Variants in GRM5 observed in about 807,000 individuals in gnomAD.
GRM5 encodes metabotropic glutamate receptor 5.
Under a neutral mutation model 83.1 loss-of-function variants are expected in GRM5, and 19 were observed. The ratio of observed to expected loss-of-function variants is 0.23; its 90% CI spans 0.16 to 0.34. GRM5 has a LOEUF of 0.34. Ranked by LOEUF, GRM5 falls within the 10% of genes least tolerant of loss-of-function variation. The pLI is 1.00. For synonymous variants in GRM5, 675 were observed against 633.6 expected, an observed-to-expected ratio of 1.07 and a Z score of -0.98; for missense variants, 1,160 against 1,588.3, an observed-to-expected ratio of 0.73 and a Z score of 4.58.
intron 4 of GRM5, among the ~76,000 whole-genome samples, chr11:88,617,772 C>G (rs1470337429): frequency 2.0e-5 from 3 of 152,024 alleles, no homozygotes; most frequent in African/African-American, 7.2e-5. Flanking sequence ...CTAGCCTTTC[C>G]CCACTTGGTT....
chr11:88,622,761 A>G (rs1346593554), intron 4 of GRM5, among the ~76,000 whole-genome samples: 1 of 152,172 alleles, frequency 6.6e-6, no homozygotes, highest in Non-Finnish European at 1.5e-5. Flanking sequence ...TTAAGAATCT[A>G]GTGTGTCCTA....
chr11:88,771,319 A>G (rs951731836), intron 3 of GRM5, among the ~76,000 whole-genome samples: 5 of 152,118 alleles, frequency 3.3e-5, no homozygotes, highest in East Asian at 1.9e-4. Flanking sequence ...AGCTGAGGAA[A>G]AAAGAAGGCA....
chr11:89,026,702 T>G (rs1591059654), intron 2 of GRM5, among the ~76,000 whole-genome samples: 1 of 152,330 alleles, frequency 6.6e-6, no homozygotes, highest in South Asian at 2.1e-4. Flanking sequence ...CTATTATTTC[T>G]CATATTCTAA....
chr11:88,583,756 G>A (rs1943259191), intron 7 of GRM5, among the ~76,000 whole-genome samples: 1 of 152,162 alleles, frequency 6.6e-6, no homozygotes, highest in Admixed American at 6.5e-5. Flanking sequence ...TATGTGGCAG[G>A]GAATGGTGTC....
chr11:88,872,061 A>G (rs974435874), intron 2 of GRM5, among the ~76,000 whole-genome samples: 11 of 151,560 alleles, frequency 7.3e-5, no homozygotes, highest in Non-Finnish European at 1.3e-4. Flanking sequence ...AACTAACAGA[A>G]AAACCTACAT....
intron 3 of GRM5, among the ~76,000 whole-genome samples, chr11:88,796,841 A>G (rs1267987314): frequency 3.9e-5 from 6 of 151,972 alleles, no homozygotes; most frequent in African/African-American, 1.4e-4. Flanking sequence ...GGAAAGAAAC[A>G]GGTGCCTGTA....
intron 2 of GRM5, among the ~76,000 whole-genome samples, chr11:88,915,215 GA>G (rs1945568194): frequency 6.6e-6 from 1 of 152,074 alleles, no homozygotes; most frequent in African/African-American, 2.4e-5. Flanking sequence ...AGGAGGAGGA[GA>G]AAAGAAAACA....
chr11:88,828,758 G>C (rs1943936403), intron 3 of GRM5, among the ~76,000 whole-genome samples: 1 of 151,876 alleles, frequency 6.6e-6, no homozygotes, highest in Non-Finnish European at 1.5e-5. Flanking sequence ...AACTTCTGGA[G>C]AAAACTACAA....
chr11:88,594,146 A>C (rs558732693), intron 6 of GRM5, among the ~76,000 whole-genome samples: 1 of 152,302 alleles, frequency 6.6e-6, no homozygotes, highest in South Asian at 2.1e-4. Flanking sequence ...AATAAACAAA[A>C]ATTATGTGGT....
chr11:88,630,574 A>ACACAC lies in GRM5; in HGVS notation c.1147+22593_1147+22594insGTGTG, dbSNP rs57754831. 2.3e-3 allele frequency among the ~76,000 whole-genome samples: 36 copies of ACACAC among 15,978 alleles called. 1 individual carries two copies. Among genetic ancestry groups the ACACAC allele is most frequent in the South Asian group, 0.02 (8 of 392 alleles). 10.5% of individuals were successfully genotyped at this position (15,978 alleles called of 152,430 possible). A position where few individuals can be genotyped will look rare whatever the true frequency, so the allele number is the denominator to read the frequency against. ...ACACACACACACACACACACACACA[A>ACACAC]ACACACACACACACACATATTATGA... On this transcript the variant is annotated intron_variant, in intron 4 of 9. Transcript: ENST00000305447.
chr11:88,703,422 C>T (rs1409141048), intron 3 of GRM5, among the ~76,000 whole-genome samples: 2 of 152,068 alleles, frequency 1.3e-5, no homozygotes, highest in African/African-American at 4.8e-5. Flanking sequence ...CCTTAAAACA[C>T]TTTGTCCCCA....
intron 8 of GRM5, among the ~76,000 whole-genome samples, chr11:88,558,012 A>G (rs535650470): frequency 6.6e-6 from 1 of 152,096 alleles, no homozygotes; most frequent in South Asian, 2.1e-4. Flanking sequence ...CATACTCTAA[A>G]ACATTGCTTT....
chr11:89,019,429 T>G (rs1276972414), intron 2 of GRM5, among the ~76,000 whole-genome samples: 3 of 151,946 alleles, frequency 2.0e-5, no homozygotes, highest in East Asian at 1.9e-4. Flanking sequence ...GCATGGTGGC[T>G]CACACCTGTA....
chr11:89,032,027 T>C (rs1336705484), intron 2 of GRM5, among the ~76,000 whole-genome samples: 1 of 152,104 alleles, frequency 6.6e-6, no homozygotes, highest in Non-Finnish European at 1.5e-5. Flanking sequence ...ATTGCATACA[T>C]ATTTTTAAAA....
intron 5 of GRM5, among the ~76,000 whole-genome samples, chr11:88,599,846 T>C (rs1015342286): frequency 6.6e-6 from 1 of 152,068 alleles, no homozygotes; most frequent in African/African-American, 2.4e-5. Context: ...ACCCCGTCTC[T>C]ACTAAAAATA....
chr11:88,836,820 AAAC>A (rs1259330627), intron 3 of GRM5, among the ~76,000 whole-genome samples: 2 of 149,318 alleles, frequency 1.3e-5, no homozygotes, highest in Admixed American at 1.3e-4. Flanking sequence ...CAAAAAACAA[AAAC>A]AAACAAAAAC....
At chr11:88,756,784 G>A (rs763361594) in intron 3 of GRM5, among the ~76,000 whole-genome samples, 1 of 152,016 alleles carries the variant, frequency 6.6e-6, no homozygotes, top group Non-Finnish European at 1.5e-5. Context: ...AAAGATAAGG[G>A]ACCTATCTGT....
chr11:88,693,129 A>ACAATTCAATT (rs146140212), intron 3 of GRM5, among the ~76,000 whole-genome samples: 126 of 151,920 alleles, frequency 8.3e-4, no homozygotes, highest in Admixed American at 1.6e-3. Flanking sequence ...TAGCACAGAA[A>ACAATTCAATT]CAATTCAATT....
intron 4 of GRM5, among the ~76,000 whole-genome samples, chr11:88,628,355 T>C (rs896640686): frequency 3.3e-5 from 5 of 152,218 alleles, no homozygotes; most frequent in African/African-American, 1.2e-4. Context: ...GAATCTTGCT[T>C]AATGGATGTA....
Sources: allele counts gnomAD v4.1 joint callset (sites outside exome capture counted in the v4.1 genomes callset), GRCh38; gene constraint gnomAD v4.1.1; transcripts MANE v1.5; gene names NCBI Gene and HGNC (gene_info 2026-07-23, HGNC 2026-07-21).